The following MYEF2 variants were observed in gnomAD, a reference collection of about 807,000 sequenced individuals.
MYEF2 encodes the protein myelin expression factor 2.
Under a neutral mutation model 75.2 loss-of-function variants are expected in MYEF2, and 37 were observed. The observed-to-expected ratio is 0.49, with a 90% CI of 0.38 to 0.65. The LOEUF is 0.65. MYEF2 is among the 30% of genes least tolerant of loss of function. The probability of loss-of-function intolerance (pLI) is 0.00; values close to 1 mark genes in which losing one functional copy is unlikely to be tolerated. For synonymous variants in MYEF2, 195 were observed against 241.6 expected, an observed-to-expected ratio of 0.81 and a Z score of 1.79; for missense variants, 634 against 771.4, an observed-to-expected ratio of 0.82 and a Z score of 2.11.
chr15:48,152,279 C>T lies in MYEF2; in HGVS notation c.1093G>A (p.Gly365Arg). Residue 365 changes from glycine to arginine, a missense_variant, in exon 11 of 17, where the codon GGA (glycine) becomes AGA (arginine). Gly to Arg is a moderately radical substitution (Grantham distance 125). Coordinates refer to ENST00000324324, the MANE Select transcript of MYEF2 (RefSeq NM_016132.5). ...VMGNLGPGGM[G>R]MDGPGFGGMN... ...CCTCCAAAACCTGGACCATCCATTCCCATACCTCAAATAAAATACACAGTA... is the reference window on the plus strand; with the variant it reads ...CCTCCAAAACCTGGACCATCCATTCTCATACCTCAAATAAAATACACAGTA... 1 of 1,609,272 alleles carries T rather than the reference C, an allele frequency of 6.2e-7. No homozygotes were observed. Among genetic ancestry groups the T allele is most frequent in the Non-Finnish European group, 8.5e-7 (1 of 1,176,400 alleles).
Position 48,141,972 on chromosome 15 carries a change from T to A in MYEF2, c.*936A>T. ...CCAGTGTTTCTTTTCTTATGAAGATTATTAATAAAACACAGTATTGGTAAG... is the reference window on the plus strand; with the variant it reads ...CCAGTGTTTCTTTTCTTATGAAGATAATTAATAAAACACAGTATTGGTAAG... On this transcript the variant is annotated 3_prime_UTR_variant, in exon 17 of 17. Transcript: ENST00000324324. The A allele has an allele frequency of 8.0e-7, 1 of 1,245,646 alleles. No individual in the cohort carries two copies. The highest frequency in any genetic ancestry group is 2.0e-5 in the South Asian group (1 of 50,974). 77.2% of individuals were successfully genotyped at this position (1,245,646 alleles called of 1,614,324 possible).
In MYEF2 at chr15:48,137,823, T is replaced by C. The variant is rs2038939888; in HGVS notation, c.*5085A>G. 6.6e-6 allele frequency: 1 copy of C among 152,146 alleles called. No individual in the cohort carries two copies. Among genetic ancestry groups the C allele is most frequent in the Non-Finnish European group, 1.5e-5 (1 of 68,022 alleles). 9.4% of individuals were successfully genotyped at this position (152,146 alleles called of 1,614,324 possible). A position where few individuals can be genotyped will look rare whatever the true frequency, so the allele number is the denominator to read the frequency against. ...GAAGAAAAACAGCTGAGGTTTACCATTGTTTAAAGCAATAGCAAAACTTTT... is the reference window on the plus strand; with the variant it reads ...GAAGAAAAACAGCTGAGGTTTACCACTGTTTAAAGCAATAGCAAAACTTTT... On this transcript the variant is annotated 3_prime_UTR_variant, in exon 17 of 17. Transcript: ENST00000324324.
At chr15:48,160,757 C>T (rs559021629) in intron 5 of MYEF2, among the ~76,000 whole-genome samples, 4 of 151,766 alleles carry the variant, frequency 2.6e-5, no homozygotes, top group African/African-American at 9.7e-5. Context: ...AAAAGAAAGT[C>T]AAGTGATTTT....
intron 9 of MYEF2, chr15:48,157,648 T>C (rs1269591446): frequency 2.3e-5 from 14 of 613,260 alleles, no homozygotes; most frequent in Non-Finnish European, 2.7e-5. Flanking sequence ...GTAAAAAATA[T>C]ACATAGCAGG....
At chr15:48,169,635 T>TCACC in intron 1 of MYEF2, among the ~76,000 whole-genome samples, 1 of 151,112 alleles carries the variant, frequency 6.6e-6, no homozygotes, top group Middle Eastern at 3.2e-3. Context: ...TTTTGCTCTG[T>TCACC]CACCCAGGCT....
chr15:48,157,822 A>T, intron 9 of MYEF2, 171 bp downstream of exon 9: 1 of 1,362,676 alleles, frequency 7.3e-7, no homozygotes, highest in Non-Finnish European at 9.5e-7. Context: ...GGCACGTAAC[A>T]CTTATCTTCT....
At position 48,149,150 on chromosome 15, in the gene MYEF2, T is replaced by C; in HGVS notation, c.1587+13A>G. The C allele has an allele frequency of 6.2e-7, 1 of 1,613,092 alleles. No homozygotes were observed. ...AAAAGAATTTGAATTATCCTTAATA[T>C]TTATTTGCTTACATTTCTGACAAAT... is the stretch of plus-strand genomic sequence containing the variant. On this transcript the variant is annotated intron_variant, in intron 15 of 16. Transcript: ENST00000324324. The surrounding 1 kb of genome is among the most constrained non-coding windows in gnomAD (Gnocchi z 4.0).
At position 48,151,923 on chromosome 15, in the gene MYEF2, C is replaced by T; in HGVS notation, c.1158G>A (p.Leu386=). ...ATCCTCCCATGCTATTCATTGCTTC[C>T]AGACCACCAAACCCTATTCCTATGG... The part of the protein sequence containing the change: ...RIGGGIGFGG[L]EAMNSMGGFG... The change falls in exon 12 of 17, where the codon CTG becomes CTA. Residue 386 remains leucine (L), a synonymous_variant. Transcript: ENST00000324324. 1.2e-6 allele frequency: 2 copies of T among 1,613,548 alleles called. No homozygotes were observed. The highest frequency in any genetic ancestry group is 1.7e-4 in the Middle Eastern group (1 of 6,060).
rs1749533811 is a variant in MYEF2 at position 48,141,787 on chromosome 15, A to G, written c.*1121T>C. ...GTTAAATTACAATGAAAAGCAACAA[A>G]TAAGCTATATACCTTATTGAAAAAT... On this transcript the variant is annotated 3_prime_UTR_variant, in exon 17 of 17. Coordinates refer to ENST00000324324, the MANE Select transcript of MYEF2 (RefSeq NM_016132.5). 2 of 270,480 alleles carry G rather than the reference A, an allele frequency of 7.4e-6. No individual in the cohort carries two copies. The highest frequency in any genetic ancestry group is 1.4e-5 in the Non-Finnish European group (2 of 145,676). The allele number at this position is 270,480 out of a possible 1,614,324, so 16.8% of individuals were successfully genotyped here.
At chr15:48,173,050 G>T (rs933429506) in intron 1 of MYEF2, among the ~76,000 whole-genome samples, 2 of 152,090 alleles carry the variant, frequency 1.3e-5, no homozygotes, top group Non-Finnish European at 2.9e-5. Flanking sequence ...TACAAGAAAA[G>T]AAAATTACAG....
chr15:48,142,971 T>C lies in MYEF2; in HGVS notation c.1740A>G (p.Arg580=). ...CACTGATTTTTATGCCATTCATTAT[T>C]CTGCAGGCTTTTTCAGCTGATTCTG... is the stretch of plus-strand genomic sequence containing the variant. ...DSPESAEKAC[R]IMNGIKISGR... The change falls in exon 17 of 17, where the codon AGA becomes AGG. Residue 580 remains arginine (R), a synonymous_variant. Transcript: ENST00000324324. 1.2e-6 allele frequency: 2 copies of C among 1,603,724 alleles called. No individual in the cohort carries two copies. The highest frequency in any genetic ancestry group is 2.3e-5 in the East Asian group (1 of 43,842).
intron 16 of MYEF2, among the ~76,000 whole-genome samples, chr15:48,143,810 A>G (rs1189705579): frequency 6.6e-6 from 1 of 152,150 alleles, no homozygotes; most frequent in East Asian, 1.9e-4. Context: ...TGCTAACTCT[A>G]GAGACTCGTA....
At chr15:48,158,640 G>C in intron 7 of MYEF2, 129 bp downstream of exon 7, 3 of 1,084,696 alleles carry the variant, frequency 2.8e-6, no homozygotes, top group Non-Finnish European at 2.7e-6. Context: ...GGTTTTATTT[G>C]CTGGAGACTA....
chr15:48,159,640 T>C lies in MYEF2; in HGVS notation c.690A>G (p.Arg230=), dbSNP rs1597328332. 3 of 1,611,460 alleles carry C rather than the reference T, an allele frequency of 1.9e-6. No homozygotes were observed. In the East Asian group the frequency reaches 6.7e-5, roughly 36 times the overall value. ...PEVISNLQAG[R]LGSTIFVANL... ...TGGCAACAAAAATTGTGGAACCAAG[T>C]CTACCGGCCTGCAAATTACTGATGA... Residue 230 remains arginine (R), a synonymous_variant, in exon 6 of 17, where the codon AGA becomes AGG. Coordinates refer to ENST00000324324, the MANE Select transcript of MYEF2 (RefSeq NM_016132.5).
Position 48,149,025 on chromosome 15 carries a change from T to TA in MYEF2, c.1639+6dup. 1 of 1,612,842 alleles carries TA rather than the reference T, an allele frequency of 6.2e-7. No homozygotes were observed. Among genetic ancestry groups the TA allele is most frequent in the Non-Finnish European group, 8.5e-7 (1 of 1,179,092 alleles). ...ATCAACATATCTGCAGTCATTTGCA[T>TA]ACTTACCACACTGACTGAATTTCTC... On this transcript the variant is annotated splice_region_variant and intron_variant, in intron 16 of 16. Transcript: ENST00000324324. This position sits in a 1 kb window ranked among gnomAD's most constrained non-coding sequence, Gnocchi z 4.0.
intron 1 of MYEF2, among the ~76,000 whole-genome samples, chr15:48,172,905 G>A (rs1426307874): frequency 6.6e-6 from 1 of 152,080 alleles, no homozygotes; most frequent in Non-Finnish European, 1.5e-5. Context: ...CCCAGGACCT[G>A]GTAAATTCTA....
rs1296381549 is a variant in MYEF2 at position 48,178,208 on chromosome 15, G to A, written c.30C>T (p.Pro10=). Residue 10 remains proline, a synonymous_variant, in exon 1 of 17, where the codon CCC becomes CCT. Coordinates refer to ENST00000324324, the MANE Select transcript of MYEF2 (RefSeq NM_016132.5). ...GCGGGCTGTCGCCACCAGTGGCCCCGGGCACCTCGGCCTTGTTGGCGTCCG... is the reference window on the plus strand; with the variant it reads ...GCGGGCTGTCGCCACCAGTGGCCCCAGGCACCTCGGCCTTGTTGGCGTCCG... MADANKAEV[P]GATGGDSPHL... 41 of 1,485,620 alleles carry A rather than the reference G, an allele frequency of 2.8e-5. No homozygotes were observed. In the East Asian group the frequency reaches 1.1e-3, roughly 38 times the overall value. The allele number at this position is 1,485,620 out of a possible 1,614,324, so 92.0% of individuals were successfully genotyped here.
intron 16 of MYEF2, among the ~76,000 whole-genome samples, chr15:48,146,327 C>G (rs2039282542): frequency 6.6e-6 from 1 of 151,822 alleles, no homozygotes; most frequent in South Asian, 2.1e-4. Context: ...AAAGATAGAT[C>G]TCTTTTGCTA....
At position 48,140,685 on chromosome 15, in the gene MYEF2, CAT is replaced by C. The variant is rs1371380382; in HGVS notation, c.*2221_*2222del. The C allele has an allele frequency of 6.2e-6, 1 of 162,018 alleles. No individual in the cohort carries two copies. Among genetic ancestry groups the C allele is most frequent in the Non-Finnish European group, 1.3e-5 (1 of 76,284 alleles). The allele number at this position is 162,018 out of a possible 1,614,324, so 10.0% of individuals were successfully genotyped here. On this transcript the variant is annotated 3_prime_UTR_variant, in exon 17 of 17. Coordinates refer to ENST00000324324, the MANE Select transcript of MYEF2 (RefSeq NM_016132.5). ...TAGAACATAATAAATGGTATATATA[CAT>C]GTTAACACATTTATAGCTTAAAGAT...
Sources: allele counts gnomAD v4.1 joint callset (sites outside exome capture counted in the v4.1 genomes callset), GRCh38; gene constraint gnomAD v4.1.1; non-coding constraint Gnocchi (gnomAD v3.1); transcripts MANE v1.5; gene names NCBI Gene and HGNC (gene_info 2026-07-23, HGNC 2026-07-21).